The following PIM1 variants were observed in gnomAD, a reference collection of about 807,000 sequenced individuals.
The protein encoded by PIM1 is serine/threonine-protein kinase pim-1.
Under a neutral mutation model 34.5 loss-of-function variants are expected in PIM1, and 9 were observed. The ratio of observed to expected loss-of-function variants is 0.26; its 90% CI spans 0.16 to 0.46. PIM1 has a LOEUF of 0.46. Ranked by LOEUF, PIM1 falls within the 20% of genes least tolerant of loss-of-function variation. The pLI is 1.00. For synonymous variants in PIM1, 199 were observed against 175.2 expected (o/e 1.14, Z -1.07); for missense variants, 274 against 410.9 (o/e 0.67, Z 2.88).
intron 4 of PIM1, among the ~76,000 whole-genome samples, 168 bp downstream of exon 4, chr6:37,171,659 G>A (rs1561983427): frequency 6.6e-6 from 1 of 152,246 alleles, no homozygotes; most frequent in Non-Finnish European, 1.5e-5. Context: ...AGTAAAGCCG[G>A]GGATTTTCAG....
rs377495787 is a variant in PIM1 at position 37,171,044 on chromosome 6, C to A, written c.240+13C>A. ...CTGGGGAGAGCTGGTGAGTGCCCTG[C>A]AGGAGCGACCCCCAGGATGAGTGGG... On this transcript the variant is annotated intron_variant, in intron 3 of 5. Coordinates refer to ENST00000373509, the MANE Select transcript of PIM1 (RefSeq NM_002648.4). 69 of 1,614,042 alleles carry A rather than the reference C, an allele frequency of 4.3e-5. No homozygotes were observed. In the Middle Eastern group the frequency reaches 3.5e-3, roughly 81 times the overall value.
intron 1 of PIM1, 35 bp from the exon 2 acceptor site, chr6:37,170,738 C>A (rs763529568): frequency 3.7e-6 from 6 of 1,606,278 alleles, no homozygotes; most frequent in Non-Finnish European, 5.1e-6. Flanking sequence ...GGCTCGCGGG[C>A]CGGCACTGAG....
At chr6:37,172,915 A>T in intron 4 of PIM1, 81 bp from the exon 5 acceptor site, 1 of 1,204,124 alleles carries the variant, frequency 8.3e-7, no homozygotes, top group Non-Finnish European at 1.2e-6. Context: ...TTTTAAAAGA[A>T]AGAGTTATAT....
At position 37,170,203 on chromosome 6, in the gene PIM1, G is replaced by C; in HGVS notation, c.-373G>C. ...GTCTGCTGCAGCGGCCGCGGTGGCT[G>C]AGGAGGCCCGAGAGGAGTCGGTGGC... On this transcript the variant is annotated 5_prime_UTR_variant, in exon 1 of 6. Transcript: ENST00000373509. The C allele has an allele frequency of 8.4e-7, 1 of 1,196,656 alleles. No individual in the cohort carries two copies. Among genetic ancestry groups the C allele is most frequent in the South Asian group, 2.0e-5 (1 of 49,172 alleles). The allele number at this position is 1,196,656 out of a possible 1,614,324, so 74.1% of individuals were successfully genotyped here.
At chr6:37,171,589 G>C (rs1478734869) in intron 4 of PIM1, 98 bp downstream of exon 4, 1 of 1,429,460 alleles carries the variant, frequency 7.0e-7, no homozygotes, top group Non-Finnish European at 9.3e-7. Context: ...TTTTGTAAAG[G>C]TCATTGGGCC....
rs759956612 is a variant in PIM1, at chr6:37,170,774, C to T, written c.84C>T (p.Gly28=). The T allele has an allele frequency of 3.7e-5, 60 of 1,612,184 alleles. No homozygotes were observed. The Admixed American group carries it at 4.3e-4, about 12-fold the overall frequency. The change falls in exon 2 of 6, where the codon GGC becomes GGT. Residue 28 remains glycine, a splice_region_variant and synonymous_variant. Coordinates refer to ENST00000373509, the MANE Select transcript of PIM1 (RefSeq NM_002648.4). The part of the protein sequence containing the change: ...NDLHATKLAP[G]KEKEPLESQY... ...TCCCCGTGCTTCCCCCTTTCCTAGG[C>T]AAGGAGAAGGAGCCCCTGGAGTCGC...
chr6:37,174,181 T>C lies in PIM1; in HGVS notation c.*90T>C. On this transcript the variant is annotated 3_prime_UTR_variant, in exon 6 of 6. Transcript: ENST00000373509. ...CAGCTTCCCGAGTACCAGTGACACG[T>C]CTCGCCAAGCAGGACAGTGCTTGAT... The C allele has an allele frequency of 7.7e-7, 1 of 1,292,768 alleles. No homozygotes were observed. Among genetic ancestry groups the C allele is most frequent in the Non-Finnish European group, 1.1e-6 (1 of 928,404 alleles). The allele number at this position is 1,292,768 out of a possible 1,614,324, so 80.1% of individuals were successfully genotyped here.
At chr6:37,170,744 C>T (rs1033983361) in intron 1 of PIM1, 29 bp from the exon 2 acceptor site, 2 of 1,608,668 alleles carry the variant, frequency 1.2e-6, no homozygotes, top group Non-Finnish European at 1.7e-6. Context: ...CGGGCCGGCA[C>T]TGAGTCCCCG....
At chr6:37,173,448 A>C (rs1355972173) in intron 5 of PIM1, among the ~76,000 whole-genome samples, 4 of 152,246 alleles carry the variant, frequency 2.6e-5, no homozygotes, top group Non-Finnish European at 5.9e-5. Flanking sequence ...AAAGGTACCA[A>C]CAGAAACCTG....
At position 37,170,995 on chromosome 6, in the gene PIM1, C is replaced by A; in HGVS notation, c.204C>A (p.His68Gln). ...VSDNLPVAIK[H>Q]VEKDRISDWG... ...TGGGCTTCCAGGTGGCCATCAAACA[C>A]GTGGAGAAGGACCGGATTTCCGACT... The change falls in exon 3 of 6, where the codon CAC becomes CAA. Residue 68 changes from histidine (H) to glutamine (Q), a missense_variant. By Grantham distance (24) the His-to-Gln change is conservative. Transcript: ENST00000373509. 1.2e-6 allele frequency: 2 copies of A among 1,614,062 alleles called. No individual in the cohort carries two copies. Among genetic ancestry groups the A allele is most frequent in the Non-Finnish European group, 1.7e-6 (2 of 1,179,992 alleles).
In PIM1 at chr6:37,170,422, G is replaced by C; in HGVS notation, c.-154G>C. 6.5e-7 allele frequency: 1 copy of C among 1,535,682 alleles called. No homozygotes were observed. The highest frequency in any genetic ancestry group is 8.7e-7 in the Non-Finnish European group (1 of 1,146,400). On this transcript the variant is annotated 5_prime_UTR_variant, in exon 1 of 6. Coordinates refer to ENST00000373509, the MANE Select transcript of PIM1 (RefSeq NM_002648.4). Reference sequence around the variant, plus strand: ...CTCAGTTGTCCTCCGACTCGCCCTCGGCCTTCCGCGCCAGCCGCAGCCACA... The same window carrying C: ...CTCAGTTGTCCTCCGACTCGCCCTCCGCCTTCCGCGCCAGCCGCAGCCACA...
Position 37,174,221 on chromosome 6 carries a change from T to C in PIM1, c.*130T>C. The C allele has an allele frequency of 1.1e-6, 1 of 894,060 alleles. No individual in the cohort carries two copies. The highest frequency in any genetic ancestry group is 1.7e-6 in the Non-Finnish European group (1 of 599,728). The allele number at this position is 894,060 out of a possible 1,614,324, so 55.4% of individuals were successfully genotyped here. ...CAGTGCTTGATACAGGAACAACATTTACAACTCATTCCAGATCCCAGGCCC... is the reference window on the plus strand; with the variant it reads ...CAGTGCTTGATACAGGAACAACATTCACAACTCATTCCAGATCCCAGGCCC... On this transcript the variant is annotated 3_prime_UTR_variant, in exon 6 of 6. Transcript: ENST00000373509.
chr6:37,174,665 A>T lies in PIM1; in HGVS notation c.*574A>T, dbSNP rs1276546320. 3 of 233,638 alleles carry T rather than the reference A, an allele frequency of 1.3e-5. No individual in the cohort carries two copies. The highest frequency in any genetic ancestry group is 5.6e-5 in the Admixed American group (1 of 17,754). The allele number at this position is 233,638 out of a possible 1,614,324, so 14.5% of individuals were successfully genotyped here. A position where few individuals can be genotyped will look rare whatever the true frequency, so the allele number is the denominator to read the frequency against. On this transcript the variant is annotated 3_prime_UTR_variant, in exon 6 of 6. Coordinates refer to ENST00000373509, the MANE Select transcript of PIM1 (RefSeq NM_002648.4). ...CCTGTCCTCCCTCACCCCCTCCTTCATATGAAAGGTGCCATGGAAGAGGCT... is the reference window on the plus strand; with the variant it reads ...CCTGTCCTCCCTCACCCCCTCCTTCTTATGAAAGGTGCCATGGAAGAGGCT...
intron 4 of PIM1, 85 bp downstream of exon 4, chr6:37,171,576 G>T: frequency 6.6e-7 from 1 of 1,508,116 alleles, no homozygotes; most frequent in African/African-American, 1.4e-5. Context: ...TCCCGCGCCA[G>T]CCTTTTGTAA....
intron 4 of PIM1, 86 bp downstream of exon 4, chr6:37,171,577 C>G: frequency 2.7e-6 from 4 of 1,502,846 alleles, no homozygotes. Flanking sequence ...CCCGCGCCAG[C>G]CTTTTGTAAA....
rs372302890 is a variant in PIM1 at position 37,172,957 on chromosome 6, C to A, written c.608-39C>A. ...CCCAGCTTCTTTGTGCTTGTTTTTG[C>A]TAAAAGTGTGTTTTCTCTTCTATTC... is the stretch of plus-strand genomic sequence containing the variant. On this transcript the variant is annotated intron_variant, in intron 4 of 5. Transcript: ENST00000373509. 8.6e-4 allele frequency: 1,367 copies of A among 1,584,566 alleles called. 2 individuals carry two copies. The highest frequency in any genetic ancestry group is 1.1e-3 in the Non-Finnish European group (1,250 of 1,157,398).
chr6:37,170,644 C>T lies in PIM1; in HGVS notation c.69C>T (p.Thr23=), dbSNP rs1762258363. 1.2e-6 allele frequency: 2 copies of T among 1,612,254 alleles called. No individual in the cohort carries two copies. Among genetic ancestry groups the T allele is most frequent in the Non-Finnish European group, 1.7e-6 (2 of 1,179,382 alleles). ...CGCCCTGCAACGACCTGCACGCCAC[C>T]AAGCTGGCGCCCGGTGAGAGCACCC... The part of the protein sequence containing the change: ...RAAPCNDLHA[T]KLAPGKEKEP... The change falls in exon 1 of 6, where the codon ACC becomes ACT. Residue 23 remains threonine (T), a synonymous_variant. Coordinates refer to ENST00000373509, the MANE Select transcript of PIM1 (RefSeq NM_002648.4).
chr6:37,173,208 G>A (rs374810783), intron 5 of PIM1, 36 bp downstream of exon 5: 48 of 1,592,104 alleles, frequency 3.0e-5, no homozygotes, highest in South Asian at 2.1e-4. Context: ...GGGGTTATTG[G>A]TCTTAATGGG....
Position 37,170,799 on chromosome 6 carries a change from C to A in PIM1, c.109C>A (p.Gln37Lys), listed in dbSNP as rs2113769440. Residue 37 changes from glutamine (Q) to lysine (K), a missense_variant, in exon 2 of 6, where the codon CAG becomes AAG. Transcript: ENST00000373509. The part of the protein sequence containing the change: ...PGKEKEPLES[Q>K]YQVGPLLGSG... ...CAAGGAGAAGGAGCCCCTGGAGTCG[C>A]AGTACCAGGTGGGCCCGCTACTGGG... is the stretch of plus-strand genomic sequence containing the variant. 6.2e-7 allele frequency: 1 copy of A among 1,612,914 alleles called. No individual in the cohort carries two copies. The highest frequency in any genetic ancestry group is 2.2e-5 in the East Asian group (1 of 44,822).
Sources: allele counts gnomAD v4.1 joint callset (sites outside exome capture counted in the v4.1 genomes callset), GRCh38; gene constraint gnomAD v4.1.1; transcripts MANE v1.5; gene names NCBI Gene and HGNC (gene_info 2026-07-23, HGNC 2026-07-21).